MED13: variants seen among roughly 807,000 people sequenced by gnomAD.
The protein encoded by MED13 is mediator of RNA polymerase II transcription subunit 13.
MED13 carries 23 observed loss-of-function variants against 225.2 expected under a neutral mutation model. The ratio of observed to expected loss-of-function variants is 0.10; its 90% confidence interval spans 0.07 to 0.14. The LOEUF is 0.14. Among genes scored for constraint, MED13 ranks in the 10% least tolerant of loss-of-function variants. The pLI is 1.00. For missense variants in MED13, 2,197 were observed against 2,594.5 expected (o/e 0.85, Z 3.33); for synonymous variants, 942 against 889.2 (o/e 1.06, Z -1.06).
In MED13 at chr17:61,997,940, G is replaced by A. The variant is rs951594750; in HGVS notation, c.1968-2575C>T. The stretch of plus-strand genomic sequence containing the variant: ...AAAATAAAAAATGAGTAAACCAAAT[G>A]CATTACCTAAATATGACTGTTTGTT... On this transcript the variant is annotated intron_variant, in intron 9 of 29. Transcript: ENST00000397786. Among the ~76,000 whole-genome samples the A allele has an allele frequency of 7.2e-5, 11 of 152,026 alleles. No individual in the cohort carries two copies. In the South Asian group the frequency reaches 1.4e-3, roughly 20 times the overall value.
intron 1 of MED13, among the ~76,000 whole-genome samples, chr17:62,064,923 G>A (rs1357269608): frequency 1.3e-5 from 2 of 152,192 alleles, no homozygotes; most frequent in Non-Finnish European, 2.9e-5. Flanking sequence ...GAAACAAGAC[G>A]AGAAAAAATG....
chr17:61,991,443 G>T (rs375886965), intron 11 of MED13, among the ~76,000 whole-genome samples: 1 of 151,980 alleles, frequency 6.6e-6, no homozygotes, highest in East Asian at 2.0e-4. Flanking sequence ...GGGTTCATGC[G>T]ATTCTGCTGC....
chr17:62,003,904 A>ACAGATTT (rs1175729192), intron 9 of MED13: 1 of 152,274 alleles, frequency 6.6e-6, no homozygotes, highest in East Asian at 1.9e-4. Flanking sequence ...TAATTTTAGA[A>ACAGATTT]CAGATTTTAA....
chr17:62,042,069 A>G (rs1273821232), intron 3 of MED13, among the ~76,000 whole-genome samples: 1 of 152,222 alleles, frequency 6.6e-6, no homozygotes, highest in Non-Finnish European at 1.5e-5. Context: ...TTTGGGAATC[A>G]TTAATCTGTA....
intron 5 of MED13, among the ~76,000 whole-genome samples, 190 bp from the exon 6 acceptor site, chr17:62,031,828 A>T (rs1825885385): frequency 6.6e-6 from 1 of 151,636 alleles, no homozygotes; most frequent in Non-Finnish European, 1.5e-5. Context: ...AGAAGAAACC[A>T]CAATAAACCA....
At chr17:61,986,848 T>C (rs2080252036) in intron 12 of MED13, among the ~76,000 whole-genome samples, 159 bp downstream of exon 12, 1 of 152,168 alleles carries the variant, frequency 6.6e-6, no homozygotes, top group African/African-American at 2.4e-5. Flanking sequence ...TACTCAAACA[T>C]GAGATTTAAA....
At chr17:61,979,592 G>A (rs751857175) in intron 16 of MED13, among the ~76,000 whole-genome samples, 22 of 151,996 alleles carry the variant, frequency 1.4e-4, no homozygotes, top group Non-Finnish European at 2.4e-4. Context: ...ACAGCCATAA[G>A]CCATATCTGT....
Position 61,955,855 on chromosome 17 carries a change from TAAAAAAA to T in MED13, c.5624-24_5624-18del, listed in dbSNP as rs61326861. 264 of 814,432 alleles carry T rather than the reference TAAAAAAA, an allele frequency of 3.2e-4. No homozygotes were observed. The highest frequency in any genetic ancestry group is 1.1e-3 in the Middle Eastern group (2 of 1,788). 50.5% of individuals were successfully genotyped at this position (814,432 alleles called of 1,614,324 possible). ...AGCTCCAATCTGTGGGTATCAACAG[TAAAAAAA>T]AAAAAAAAAAAAAAAAAAATCAAAG... On this transcript the variant is annotated intron_variant, in intron 24 of 29. Coordinates refer to ENST00000397786, the MANE Select transcript of MED13 (RefSeq NM_005121.3).
Position 62,029,568 on chromosome 17 carries a change from G to C in MED13, c.1256C>G (p.Thr419Arg). The C allele has an allele frequency of 6.2e-7, 1 of 1,614,044 alleles. No individual in the cohort carries two copies. Among genetic ancestry groups the C allele is most frequent in the Non-Finnish European group, 8.5e-7 (1 of 1,179,944 alleles). Residue 419 changes from threonine (T) to arginine (R), a missense_variant, in exon 8 of 30, where the codon ACA (threonine) becomes AGA (arginine). This residue lies in a region of MED13 where 884 missense variants were observed against 918.5 expected (regional missense o/e 0.96). Transcript: ENST00000397786. ...KVASWDFVEA[T>R]QRTNCSCLRH... ...CAAACAACTGCAATTTGTTCTTTGT[G>C]TGGCTTCAACAAAATCCCAGGATGC...
Position 62,063,269 on chromosome 17 carries a change from A to G in MED13, c.99T>C (p.Tyr33=), listed in dbSNP as rs199901685. ...GGGCAGAAGTTGGGCCTTGCCATAC[A>G]TATTTTTTCCACTTAATTCCTGTCA... ...ADLTGIKWKK[Y]VWQGPTSAPI... Residue 33 remains tyrosine (Y), a synonymous_variant, in exon 2 of 30, where the codon TAT becomes TAC. Transcript: ENST00000397786. 29 of 1,613,870 alleles carry G rather than the reference A, an allele frequency of 1.8e-5. No homozygotes were observed. In the Admixed American group the frequency reaches 2.0e-4, roughly 11 times the overall value.
chr17:62,050,293 G>A (rs2080944397), intron 3 of MED13, among the ~76,000 whole-genome samples: 1 of 151,820 alleles, frequency 6.6e-6, no homozygotes. Context: ...GGGAGGCAGA[G>A]GTTGCAGTGA....
chr17:61,998,461 T>A (rs2080364385), intron 9 of MED13, among the ~76,000 whole-genome samples: 1 of 152,206 alleles, frequency 6.6e-6, no homozygotes, highest in Non-Finnish European at 1.5e-5. Flanking sequence ...GCATATGCTG[T>A]TATGCCTTTA....
intron 8 of MED13, among the ~76,000 whole-genome samples, chr17:62,018,550 C>T (rs968305922): frequency 6.6e-5 from 10 of 151,862 alleles, no homozygotes; most frequent in Non-Finnish European, 1.2e-4. Flanking sequence ...ATTACAAATA[C>T]ACACACACAA....
At chr17:62,021,278 C>T (rs553630308) in intron 8 of MED13, among the ~76,000 whole-genome samples, 4 of 151,280 alleles carry the variant, frequency 2.6e-5, no homozygotes, top group African/African-American at 7.3e-5. Context: ...GGCAGAGGCG[C>T]CCCTCACCTC....
chr17:61,947,912 G>A (rs2079864251), intron 28 of MED13, among the ~76,000 whole-genome samples: 1 of 151,816 alleles, frequency 6.6e-6, no homozygotes, highest in Non-Finnish European at 1.5e-5. Flanking sequence ...CACTGTATAA[G>A]GTACTATTTT....
At chr17:62,042,086 C>T (rs755764217) in intron 3 of MED13, among the ~76,000 whole-genome samples, 1 of 152,162 alleles carries the variant, frequency 6.6e-6, no homozygotes, top group Non-Finnish European at 1.5e-5. Context: ...TGTATTTCTA[C>T]AGCCTTCAGA....
intron 3 of MED13, among the ~76,000 whole-genome samples, chr17:62,038,042 C>T (rs2080820973): frequency 6.9e-6 from 1 of 144,588 alleles, no homozygotes; most frequent in Admixed American, 7.0e-5. Flanking sequence ...TTCCTTTAAT[C>T]AGTGGAGTAT....
At chr17:61,994,866 A>G (rs2080334157) in intron 10 of MED13, among the ~76,000 whole-genome samples, 1 of 152,018 alleles carries the variant, frequency 6.6e-6, no homozygotes, top group African/African-American at 2.4e-5. Flanking sequence ...GCACACCACC[A>G]CACCCAGCTA....
chr17:62,042,331 A>G (rs1216582670), intron 3 of MED13, among the ~76,000 whole-genome samples: 1 of 152,154 alleles, frequency 6.6e-6, no homozygotes, highest in African/African-American at 2.4e-5. Flanking sequence ...TGGGAGGCCA[A>G]GGCGGGTGGA....
Sources: gnomAD v4.1 joint callset for allele counts (sites outside exome capture counted in the v4.1 genomes callset) on GRCh38, gnomAD v4.1.1 for gene constraint, gnomAD v4.1.1 regional missense constraint, MANE v1.5 for transcripts, NCBI Gene and HGNC (gene_info 2026-07-23, HGNC 2026-07-21) for gene names.